Variants in DLGAP2 observed in about 807,000 individuals in gnomAD.
The protein encoded by DLGAP2 is disks large-associated protein 2.
DLGAP2 carries 26 observed loss-of-function variants against 100.3 expected under a neutral mutation model. That is an observed-to-expected ratio of 0.26 (90% CI 0.19 to 0.36). The LOEUF (loss-of-function observed/expected upper bound fraction) is 0.36. Among genes scored for constraint, DLGAP2 ranks in the 10% least tolerant of loss-of-function variants. DLGAP2 has a pLI of 1.00. For missense variants in DLGAP2, 1,858 were observed against 1,453.2 expected, an observed-to-expected ratio of 1.28 and a Z score of -4.53; for synonymous variants, 886 against 630.1, an observed-to-expected ratio of 1.41 and a Z score of -6.08.
intron 10 of DLGAP2, among the ~76,000 whole-genome samples, chr8:1,674,919 G>C (rs1423687160): frequency 6.6e-6 from 1 of 152,176 alleles, no homozygotes; most frequent in Non-Finnish European, 1.5e-5. Context: ...ACAATCCTTT[G>C]CGTAAAATAA....
chr8:893,382 G>A (rs897971765), intron 1 of DLGAP2, among the ~76,000 whole-genome samples: 1 of 152,238 alleles, frequency 6.6e-6, no homozygotes, highest in Admixed American at 6.5e-5. Context: ...CGATGAGGCT[G>A]CCCTGTGATT....
At chr8:762,345 A>G (rs1244264851) in intron 1 of DLGAP2, among the ~76,000 whole-genome samples, 2 of 152,216 alleles carry the variant, frequency 1.3e-5, no homozygotes, top group Non-Finnish European at 2.9e-5. Context: ...TAAAATGTAA[A>G]TTGTATTTGC....
chr8:741,584 C>T (rs1296563345), intron 1 of DLGAP2, among the ~76,000 whole-genome samples: 1 of 152,160 alleles, frequency 6.6e-6, no homozygotes, highest in Non-Finnish European at 1.5e-5. Flanking sequence ...TGTCAGTTGC[C>T]TTAGTTCTGG....
At position 1,655,021 on chromosome 8, in the gene DLGAP2, A is replaced by T. The variant is rs866929074; in HGVS notation, c.1811-13308A>T. On this transcript the variant is annotated intron_variant, in intron 8 of 14. Coordinates refer to ENST00000637795, the MANE Select transcript of DLGAP2 (RefSeq NM_001346810.2). ...AGTGTCTCGAACAGCAGAGCAGCTG[A>T]CATCACTTCATTTTACTGTCTACAT... Among the ~76,000 whole-genome samples the T allele has an allele frequency of 7.9e-5, 12 of 152,244 alleles. 1 individual carries two copies. The highest frequency in any genetic ancestry group is 2.9e-4 in the African/African-American group (12 of 41,462).
intron 1 of DLGAP2, among the ~76,000 whole-genome samples, chr8:762,346 T>A (rs1308306591): frequency 2.0e-5 from 3 of 152,228 alleles, no homozygotes; most frequent in African/African-American, 7.2e-5. Context: ...AAAATGTAAA[T>A]TGTATTTGCA....
intron 1 of DLGAP2, among the ~76,000 whole-genome samples, chr8:875,327 C>T (rs1585960717): frequency 1.3e-5 from 2 of 152,240 alleles, no homozygotes. Flanking sequence ...TTGACTGTGT[C>T]CCCACCCAAA....
At chr8:940,343 G>A (rs998047600) in intron 2 of DLGAP2, among the ~76,000 whole-genome samples, 3 of 151,830 alleles carry the variant, frequency 2.0e-5, no homozygotes, top group African/African-American at 7.3e-5. Context: ...ACAGAGCCAG[G>A]CACAGGGACA....
intron 2 of DLGAP2, among the ~76,000 whole-genome samples, chr8:1,045,621 C>A (rs948473320): frequency 6.6e-6 from 1 of 152,134 alleles, no homozygotes; most frequent in African/African-American, 2.4e-5. Context: ...ATTTTGTGTC[C>A]TTTGACCTCC....
In DLGAP2 at chr8:1,678,505, G is replaced by A. The variant is rs1435132701; in HGVS notation, c.2580G>A (p.Arg860=). Residue 860 remains arginine, a synonymous_variant, in exon 12 of 15, where the codon AGG becomes AGA. Transcript: ENST00000637795. ...EPAIDTVETG[R]MSPCRRDGSW... ...CCATCGACACGGTAGAGACTGGGAG[G>A]ATGTCTCCGTGCCGCAGGGATGGCT... 6.2e-7 allele frequency: 1 copy of A among 1,611,462 alleles called. No homozygotes were observed. The highest frequency in any genetic ancestry group is 1.7e-5 in the Admixed American group (1 of 59,638).
At chr8:1,438,302 G>A (rs75336688) in intron 3 of DLGAP2, among the ~76,000 whole-genome samples, 2,158 of 152,270 alleles carry the variant, frequency 0.014, 50 homozygotes, top group African/African-American at 0.048. Context: ...GAAGGGTAAG[G>A]GGTCTTTCCA....
At chr8:1,165,293 G>C (rs1397580043) in intron 2 of DLGAP2, among the ~76,000 whole-genome samples, 3 of 151,610 alleles carry the variant, frequency 2.0e-5, no homozygotes, top group Non-Finnish European at 4.4e-5. Flanking sequence ...GATGGGGAGA[G>C]AGACAGGGAG....
intron 2 of DLGAP2, among the ~76,000 whole-genome samples, chr8:966,294 A>C (rs1367594883): frequency 6.6e-6 from 1 of 152,238 alleles, no homozygotes; most frequent in Non-Finnish European, 1.5e-5. Context: ...AAGCTTCATG[A>C]ATGTAACTTT....
intron 1 of DLGAP2, among the ~76,000 whole-genome samples, chr8:839,924 C>T (rs1796949968): frequency 6.6e-6 from 1 of 151,322 alleles, no homozygotes; most frequent in African/African-American, 2.4e-5. Context: ...GTTCTGCAAG[C>T]GCATCTACAC....
chr8:1,553,361 A>G (rs1801841752), intron 5 of DLGAP2, among the ~76,000 whole-genome samples: 1 of 152,164 alleles, frequency 6.6e-6, no homozygotes, highest in Non-Finnish European at 1.5e-5. Flanking sequence ...TGACATGAAG[A>G]GGTTCGGACT....
intron 2 of DLGAP2, among the ~76,000 whole-genome samples, chr8:1,164,929 A>G (rs866617294): frequency 1.3e-5 from 2 of 152,150 alleles, no homozygotes; most frequent in African/African-American, 2.4e-5. Flanking sequence ...GCAATCGTGG[A>G]AAATGATAAA....
chr8:1,362,438 C>T (rs1047822843), intron 3 of DLGAP2, among the ~76,000 whole-genome samples: 4 of 151,768 alleles, frequency 2.6e-5, no homozygotes, highest in Non-Finnish European at 4.4e-5. Context: ...TCGGGAGGCT[C>T]GGTAAGGGCT....
intron 1 of DLGAP2, among the ~76,000 whole-genome samples, chr8:759,134 G>A (rs758864000): frequency 3.9e-3 from 37 of 9,564 alleles, no homozygotes; most frequent in African/African-American, 0.012. Flanking sequence ...CAATACCCCT[G>A]ACAGCTTTCC....
intron 1 of DLGAP2, among the ~76,000 whole-genome samples, chr8:875,457 A>G (rs1476710736): frequency 6.6e-6 from 1 of 152,152 alleles, no homozygotes; most frequent in Non-Finnish European, 1.5e-5. Flanking sequence ...AGTTCTCATG[A>G]GATCTGGTGA....
At position 1,029,303 on chromosome 8, in the gene DLGAP2, G is replaced by A. The variant is rs376116606; in HGVS notation, c.73+121337G>A. Among the ~76,000 whole-genome samples the A allele has an allele frequency of 2.6e-5, 4 of 152,192 alleles. No homozygotes were observed. In the South Asian group the frequency reaches 6.2e-4, roughly 24 times the overall value. ...GCTGTCTTGGATGGGATATTAGGGCGAGAAGAGTACAACCTGGGACAAATT... is the reference window on the plus strand; with the variant it reads ...GCTGTCTTGGATGGGATATTAGGGCAAGAAGAGTACAACCTGGGACAAATT... On this transcript the variant is annotated intron_variant, in intron 2 of 14. Coordinates refer to ENST00000637795, the MANE Select transcript of DLGAP2 (RefSeq NM_001346810.2).
Sources: gnomAD v4.1 joint callset for allele counts (sites outside exome capture counted in the v4.1 genomes callset) on GRCh38, gnomAD v4.1.1 for gene constraint, MANE v1.5 for transcripts, NCBI Gene and HGNC (gene_info 2026-07-23, HGNC 2026-07-21) for gene names.